The following PPM1B variants were observed in gnomAD, a reference collection of about 807,000 sequenced individuals.
The protein encoded by PPM1B is protein phosphatase, Mg2+/Mn2+ dependent 1B.
In PPM1B, 22 loss-of-function variants were observed where a neutral mutation model predicts 43.0. The ratio of observed to expected loss-of-function variants is 0.51; its 90% CI spans 0.37 to 0.73. The LOEUF (loss-of-function observed/expected upper bound fraction) is 0.73. Among genes scored for constraint, PPM1B ranks in the 30% least tolerant of loss-of-function variants. PPM1B has a pLI of 0.00. For synonymous variants in PPM1B, 217 were observed against 197.9 expected (o/e 1.10, Z -0.81); for missense variants, 632 against 584.2 (o/e 1.08, Z -0.84).
chr2:44,226,735 C>CTTTTTTTTTT (rs60750702), intron 5 of PPM1B, among the ~76,000 whole-genome samples: 40 of 66,670 alleles, frequency 6.0e-4, no homozygotes, highest in East Asian at 9.6e-4. Context: ...AGGTTTTTAT[C>CTTTTTTTTTT]TTTTTTTTTT....
At chr2:44,173,083 G>A (rs1466611467) in intron 1 of PPM1B, among the ~76,000 whole-genome samples, 1 of 152,228 alleles carries the variant, frequency 6.6e-6, no homozygotes, top group Non-Finnish European at 1.5e-5. Context: ...GGGAAGCCAA[G>A]GCAGGCAGAT....
At chr2:44,235,933 ACT>A (rs1345149770), downstream of PPM1B, among the ~76,000 whole-genome samples, 3 of 152,108 alleles carry the variant, frequency 2.0e-5, no homozygotes, top group East Asian at 5.8e-4. Flanking sequence ...ATTAAAAAAA[ACT>A]CAAATTTTAA....
chr2:44,199,828 A>G (rs1668847311), intron 1 of PPM1B, among the ~76,000 whole-genome samples: 1 of 152,230 alleles, frequency 6.6e-6, no homozygotes, highest in African/African-American at 2.4e-5. Flanking sequence ...CAGGAAAATT[A>G]TAAAACTGGT....
chr2:44,174,741 A>T (rs1667501779), intron 1 of PPM1B, among the ~76,000 whole-genome samples: 1 of 152,198 alleles, frequency 6.6e-6, no homozygotes. Context: ...ATCTAATCGC[A>T]TTTTATTTTC....
intron 5 of PPM1B, among the ~76,000 whole-genome samples, chr2:44,227,663 T>A (rs539031702): frequency 7.7e-4 from 117 of 151,216 alleles, no homozygotes; most frequent in African/African-American, 2.6e-3. Flanking sequence ...AGATTACTGA[T>A]GCACACACAC....
intron 1 of PPM1B, among the ~76,000 whole-genome samples, chr2:44,193,635 A>C (rs1291037144): frequency 7.2e-6 from 1 of 139,068 alleles, no homozygotes; most frequent in Non-Finnish European, 1.5e-5. Context: ...GCTGGAGTGC[A>C]GTGCTACGAT....
chr2:44,230,461 G>A lies in PPM1B; in HGVS notation c.1183G>A (p.Ala395Thr), dbSNP rs1558432968. 1 of 1,614,218 alleles carries A rather than the reference G, an allele frequency of 6.2e-7. No homozygotes were observed. Among genetic ancestry groups the A allele is most frequent in the African/African-American group, 1.3e-5 (1 of 75,066 alleles). Reference sequence around the variant, plus strand: ...TGGATCACAGGGAAAATTGGTGGAAGCTCTCAGGCAAATGAGAATTAATCA... The same window carrying A: ...TGGATCACAGGGAAAATTGGTGGAAACTCTCAGGCAAATGAGAATTAATCA... Reference protein sequence around the residue: ...ESGSQGKLVEALRQMRINHRG... With the variant: ...ESGSQGKLVETLRQMRINHRG... The change falls in exon 6 of 6, where the codon GCT becomes ACT. Residue 395 changes from alanine (A) to threonine (T), a missense_variant. By Grantham distance (58) the Ala-to-Thr change is moderately conservative. Transcript: ENST00000282412.
At chr2:44,196,616 A>G (rs962528274) in intron 1 of PPM1B, among the ~76,000 whole-genome samples, 2 of 152,236 alleles carry the variant, frequency 1.3e-5, no homozygotes, top group Non-Finnish European at 2.9e-5. Flanking sequence ...TGGAAGATCT[A>G]CATAAACTGT....
downstream of PPM1B, among the ~76,000 whole-genome samples, chr2:44,244,758 C>CT (rs753488539): frequency 1.1e-3 from 149 of 135,650 alleles, no homozygotes; most frequent in Admixed American, 1.6e-3. Flanking sequence ...TATATTAGAC[C>CT]TTTTTTTTTT....
chr2:44,218,373 A>AGT, intron 4 of PPM1B, 107 bp from the exon 5 acceptor site: 1 of 815,644 alleles, frequency 1.2e-6, no homozygotes, highest in East Asian at 2.6e-5. Flanking sequence ...ACAAGTATAG[A>AGT]GTGTACCAGT....
At chr2:44,170,195 G>T (rs914860558) in intron 1 of PPM1B, among the ~76,000 whole-genome samples, 1 of 152,142 alleles carries the variant, frequency 6.6e-6, no homozygotes, top group Non-Finnish European at 1.5e-5. Context: ...CTTCTTAGGC[G>T]TTTGATAGCA....
intron 3 of PPM1B, among the ~76,000 whole-genome samples, chr2:44,210,373 C>A (rs1363309927): frequency 6.6e-6 from 1 of 152,014 alleles, no homozygotes; most frequent in Non-Finnish European, 1.5e-5. Flanking sequence ...CACGTGCCAC[C>A]ACAGCTGGCT....
rs568818493 is a variant in PPM1B at position 44,214,221 on chromosome 2, AGATGCCC to A, written c.965-3744_965-3738del. Among the ~76,000 whole-genome samples, 63 of 152,226 alleles carry A rather than the reference AGATGCCC, an allele frequency of 4.1e-4. No individual in the cohort carries two copies. The South Asian group carries it at 0.013, about 32-fold the overall frequency. On this transcript the variant is annotated intron_variant, in intron 3 of 5. Transcript: ENST00000282412. ...CAGCCTCCGAAGTAGCTGGGACTAC[AGATGCCC>A]GCCACCATGCCTGGCTAATTTTTTG... is the stretch of plus-strand genomic sequence containing the variant.
At chr2:44,198,981 G>A (rs1572711407) in intron 1 of PPM1B, among the ~76,000 whole-genome samples, 1 of 152,104 alleles carries the variant, frequency 6.6e-6, no homozygotes, top group Admixed American at 6.6e-5. Flanking sequence ...GGTCATGGCC[G>A]GGCGTGGTGG....
intron 5 of PPM1B, among the ~76,000 whole-genome samples, chr2:44,243,926 A>G (rs376241583): frequency 2.5e-4 from 38 of 151,800 alleles, no homozygotes; most frequent in East Asian, 7.8e-4. Flanking sequence ...TGTAGGGGTC[A>G]TTGGTATCTT....
intron 3 of PPM1B, among the ~76,000 whole-genome samples, chr2:44,212,281 C>G (rs188995994): frequency 1.3e-5 from 2 of 152,280 alleles, no homozygotes; most frequent in Non-Finnish European, 2.9e-5. Context: ...ATTTATAACT[C>G]TCTTCTACAG....
At chr2:44,231,631 T>G (rs911577882), downstream of PPM1B, among the ~76,000 whole-genome samples, 4 of 152,168 alleles carry the variant, frequency 2.6e-5, no homozygotes, top group Non-Finnish European at 4.4e-5. Context: ...AATATTAAAA[T>G]ATATGTGTTG....
intron 3 of PPM1B, among the ~76,000 whole-genome samples, chr2:44,210,682 C>A (rs527528476): frequency 6.6e-6 from 1 of 152,084 alleles, no homozygotes; most frequent in African/African-American, 2.4e-5. Context: ...TCCCTCCTTC[C>A]TTCCTTCCCT....
intron 1 of PPM1B, among the ~76,000 whole-genome samples, chr2:44,191,237 G>A (rs898312338): frequency 6.6e-5 from 10 of 151,784 alleles, no homozygotes; most frequent in African/African-American, 1.9e-4. Context: ...TTTTTGACAC[G>A]GAGTCTCGTT....
Sources: allele counts gnomAD v4.1 joint callset (sites outside exome capture counted in the v4.1 genomes callset), GRCh38; gene constraint gnomAD v4.1.1; transcripts MANE v1.5; gene names NCBI Gene and HGNC (gene_info 2026-07-23, HGNC 2026-07-21).